KDM6A: variants seen among roughly 807,000 people sequenced by gnomAD.
KDM6A encodes lysine-specific demethylase 6A.
KDM6A carries 11 observed loss-of-function variants against 117.6 expected under a neutral mutation model. That is an observed-to-expected ratio of 0.09 (90% CI 0.06 to 0.15). The LOEUF (loss-of-function observed/expected upper bound fraction) is 0.15, where lower values mean the gene tolerates loss of function less well. KDM6A is among the 10% of genes least tolerant of loss of function. The pLI is 1.00. For synonymous variants in KDM6A, 384 were observed against 396.1 expected (o/e 0.97, Z 0.36); for missense variants, 799 against 1,077.3 (o/e 0.74, Z 3.62).
At chrX:45,077,241 T>C (rs2045170712) in intron 19 of KDM6A, among the ~76,000 whole-genome samples, 1 of 110,418 alleles carries the variant, frequency 9.1e-6, no homozygotes, top group African/African-American at 3.3e-5. Flanking sequence ...AACATAAGTG[T>C]GATAGTAGAT....
chrX:45,067,495 GAT>G (rs993242563), intron 17 of KDM6A, among the ~76,000 whole-genome samples: 1 of 110,807 alleles, frequency 9.0e-6, no homozygotes, highest in Admixed American at 9.6e-5. Context: ...TTTAAATATT[GAT>G]ATGATTATAA....
At chrX:45,030,751 C>G (rs2042568738) in intron 6 of KDM6A, among the ~76,000 whole-genome samples, 1 of 110,804 alleles carries the variant, frequency 9.0e-6, no homozygotes, top group Non-Finnish European at 1.9e-5. Context: ...ACTCTGTCGC[C>G]CATGCTGGAG....
chrX:44,963,077 C>G (rs1192318674), intron 3 of KDM6A, among the ~76,000 whole-genome samples: 1 of 112,077 alleles, frequency 8.9e-6, no homozygotes, highest in Non-Finnish European at 1.9e-5. Context: ...TGCCACTACT[C>G]TGTTAACTAA....
chrX:45,003,680 T>A (rs1007336804), intron 4 of KDM6A, among the ~76,000 whole-genome samples: 7 of 110,262 alleles, frequency 6.3e-5, no homozygotes, highest in Non-Finnish European at 1.1e-4. Context: ...GGTACACTGT[T>A]TTTTCCTTTA....
intron 4 of KDM6A, among the ~76,000 whole-genome samples, chrX:45,008,501 C>T (rs1421872454): frequency 8.9e-6 from 1 of 111,963 alleles, no homozygotes; most frequent in East Asian, 2.8e-4. Context: ...CAACCACCCT[C>T]ACCCCCACAC....
chrX:44,881,592 T>G (rs1168329314), intron 2 of KDM6A, among the ~76,000 whole-genome samples: 1 of 111,775 alleles, frequency 8.9e-6, no homozygotes, highest in Non-Finnish European at 1.9e-5. Flanking sequence ...TATTCCATCA[T>G]TTGTTTACTT....
At chrX:45,029,488 A>G (rs2042516499) in intron 6 of KDM6A, among the ~76,000 whole-genome samples, 1 of 109,513 alleles carries the variant, frequency 9.1e-6, no homozygotes, top group South Asian at 4.0e-4. Flanking sequence ...GGTGTGTGCC[A>G]GTAATCCCAG....
At chrX:45,050,357 G>A (rs1289372020) in intron 8 of KDM6A, among the ~76,000 whole-genome samples, 1 of 112,039 alleles carries the variant, frequency 8.9e-6, no homozygotes, top group Admixed American at 9.4e-5. Flanking sequence ...ACAAACAAAC[G>A]AAAAAACTGA....
intron 4 of KDM6A, among the ~76,000 whole-genome samples, chrX:45,007,294 T>G (rs927902728): frequency 8.9e-6 from 1 of 112,296 alleles, no homozygotes; most frequent in African/African-American, 3.2e-5. Flanking sequence ...TTGAGAGTTT[T>G]CATGGGAAAT....
chrX:45,070,369 A>G lies in KDM6A; in HGVS notation c.2858+12A>G. 1.7e-6 allele frequency: 2 copies of G among 1,193,602 alleles called. No individual in the cohort carries two copies. Among genetic ancestry groups the G allele is most frequent in the Non-Finnish European group, 2.3e-6 (2 of 880,651 alleles). ...CTGAAGGCATGCAGGTTAGTGTGGG[A>G]AAGTTCATCAAAGTGAAAATGTTTG... On this transcript the variant is annotated intron_variant, in intron 18 of 29. Coordinates refer to ENST00000611820, the MANE Select transcript of KDM6A (RefSeq NM_001291415.2).
At chrX:44,903,636 T>C (rs2034490379) in intron 2 of KDM6A, among the ~76,000 whole-genome samples, 1 of 111,411 alleles carries the variant, frequency 9.0e-6, no homozygotes, top group Admixed American at 9.6e-5. Context: ...ATTTTCTTTC[T>C]GTTACTGGAC....
intron 4 of KDM6A, among the ~76,000 whole-genome samples, chrX:45,003,917 C>T (rs1222091617): frequency 1.0e-5 from 1 of 98,927 alleles, no homozygotes; most frequent in Non-Finnish European, 2.1e-5. Flanking sequence ...TCTTCCACCC[C>T]CGCTTCTCTC....
intron 2 of KDM6A, among the ~76,000 whole-genome samples, chrX:44,948,919 G>T (rs1044985473): frequency 1.3e-4 from 14 of 111,807 alleles, no homozygotes; most frequent in Non-Finnish European, 1.7e-4. Context: ...CTTTTAATTT[G>T]ACTGTGAGGA....
At chrX:45,067,467 G>T (rs1481922799) in intron 17 of KDM6A, among the ~76,000 whole-genome samples, 5 of 110,747 alleles carry the variant, frequency 4.5e-5, no homozygotes, top group African/African-American at 6.6e-5. Context: ...CACCTACCCA[G>T]ACTTTCTTGG....
chrX:44,918,544 G>A (rs2035704148), intron 2 of KDM6A, among the ~76,000 whole-genome samples: 1 of 111,107 alleles, frequency 9.0e-6, no homozygotes, highest in Non-Finnish European at 1.9e-5. Context: ...GCTTTATCAG[G>A]CATTTCTAAA....
chrX:44,987,610 T>C (rs1472255704), intron 4 of KDM6A, among the ~76,000 whole-genome samples: 2 of 111,729 alleles, frequency 1.8e-5, no homozygotes, highest in African/African-American at 6.5e-5. Flanking sequence ...CTGGTGGTGA[T>C]AAAATCTCTT....
At chrX:44,963,515 G>GTCTGTC (rs1293781683) in intron 3 of KDM6A, among the ~76,000 whole-genome samples, 1 of 99,292 alleles carries the variant, frequency 1.0e-5, no homozygotes, top group Non-Finnish European at 2.1e-5. Flanking sequence ...CTGTCTGTCT[G>GTCTGTC]TCTCTGTCTC....
intron 4 of KDM6A, among the ~76,000 whole-genome samples, chrX:44,988,827 G>A (rs1462758876): frequency 9.0e-6 from 1 of 110,896 alleles, no homozygotes; most frequent in Admixed American, 9.6e-5. Flanking sequence ...CTACTGGGTG[G>A]TGCCTCCCAG....
At chrX:44,882,380 T>G (rs1371031880) in intron 2 of KDM6A, among the ~76,000 whole-genome samples, 1 of 112,252 alleles carries the variant, frequency 8.9e-6, no homozygotes, top group Non-Finnish European at 1.9e-5. Context: ...AGATGTTTGT[T>G]TCTGAAACAT....
Sources: allele counts gnomAD v4.1 joint callset (sites outside exome capture counted in the v4.1 genomes callset), GRCh38; gene constraint gnomAD v4.1.1; transcripts MANE v1.5; gene names NCBI Gene and HGNC (gene_info 2026-07-23, HGNC 2026-07-21).